CACNA1E: variants seen among roughly 807,000 people sequenced by gnomAD.
CACNA1E encodes voltage-dependent R-type calcium channel subunit alpha-1E.
CACNA1E carries 40 observed loss-of-function variants against 259.2 expected under a neutral mutation model. The ratio of observed to expected loss-of-function variants is 0.15; its 90% CI spans 0.12 to 0.20. The LOEUF (loss-of-function observed/expected upper bound fraction) is 0.20, where lower values mean the gene tolerates loss of function less well. CACNA1E is among the 10% of genes least tolerant of loss of function. CACNA1E has a pLI of 1.00. For missense variants in CACNA1E, 1,874 were observed against 3,040.1 expected (o/e 0.62, Z 9.02); for synonymous variants, 1,104 against 1,138.5 (o/e 0.97, Z 0.61).
intron 7 of CACNA1E, among the ~76,000 whole-genome samples, chr1:181,708,461 T>C (rs1032461380): frequency 2.0e-5 from 3 of 152,210 alleles, no homozygotes; most frequent in Non-Finnish European, 4.4e-5. Context: ...ATAATGCTTA[T>C]CCTAGATGCT....
intron 7 of CACNA1E, among the ~76,000 whole-genome samples, chr1:181,694,823 G>A (rs1357827170): frequency 6.6e-6 from 1 of 152,108 alleles, no homozygotes; most frequent in Non-Finnish European, 1.5e-5. Flanking sequence ...AATGGGCAAG[G>A]ACTTTCACTT....
intron 7 of CACNA1E, among the ~76,000 whole-genome samples, chr1:181,692,466 T>C (rs970705263): frequency 2.0e-5 from 3 of 152,002 alleles, no homozygotes; most frequent in African/African-American, 7.2e-5. Flanking sequence ...CATAGACCAA[T>C]GAAACAGAAT....
chr1:181,586,331 T>C (rs1055730802), intron 6 of CACNA1E, among the ~76,000 whole-genome samples: 7 of 152,138 alleles, frequency 4.6e-5, no homozygotes, highest in Non-Finnish European at 8.8e-5. Context: ...GAGTTCATGG[T>C]AGAAGGCTTG....
chr1:181,745,059 A>G (rs1356792469), intron 25 of CACNA1E, among the ~76,000 whole-genome samples: 1 of 152,220 alleles, frequency 6.6e-6, no homozygotes, highest in Non-Finnish European at 1.5e-5. Context: ...TGAGGTGCCT[A>G]CTACTATATC....
At chr1:181,495,898 A>G (rs1303600634) in intron 1 of CACNA1E, among the ~76,000 whole-genome samples, 1 of 152,248 alleles carries the variant, frequency 6.6e-6, no homozygotes, top group Non-Finnish European at 1.5e-5. Context: ...AGTGCTGCCC[A>G]TGAGTTATTG....
At chr1:181,412,665 C>G (rs1488340561) in intron 1 of CACNA1E, among the ~76,000 whole-genome samples, 1 of 152,130 alleles carries the variant, frequency 6.6e-6, no homozygotes, top group Non-Finnish European at 1.5e-5. Context: ...AGAGTGGGCC[C>G]TGGGGAAGGG....
chr1:181,505,203 T>G (rs16857457), intron 1 of CACNA1E, among the ~76,000 whole-genome samples: 20,144 of 152,184 alleles, frequency 0.13, 1,450 homozygotes, highest in South Asian at 0.17. Flanking sequence ...TCAGGATACA[T>G]ATAGCTTTAA....
intron 1 of CACNA1E, among the ~76,000 whole-genome samples, chr1:181,363,870 G>A (rs148428620): frequency 1.3e-5 from 2 of 152,304 alleles, no homozygotes; most frequent in Non-Finnish European, 2.9e-5. Flanking sequence ...ACTTCACTAC[G>A]GATAGGAGAG....
intron 3 of CACNA1E, among the ~76,000 whole-genome samples, chr1:181,529,350 G>A (rs1426168449): frequency 6.6e-6 from 1 of 152,238 alleles, no homozygotes; most frequent in Non-Finnish European, 1.5e-5. Context: ...TGCTGCAGGG[G>A]CAGGGCCCTC....
chr1:181,372,551 A>G (rs997794176), intron 1 of CACNA1E, among the ~76,000 whole-genome samples: 1 of 152,194 alleles, frequency 6.6e-6, no homozygotes, highest in Non-Finnish European at 1.5e-5. Context: ...AAAGAGAGAT[A>G]GTTTGACTTC....
At chr1:181,712,332 G>A (rs375169198) in intron 8 of CACNA1E, among the ~76,000 whole-genome samples, 5 of 152,174 alleles carry the variant, frequency 3.3e-5, no homozygotes, top group African/African-American at 9.7e-5. Flanking sequence ...AAAACTACAC[G>A]TATGACAGTA....
upstream of CACNA1E, among the ~76,000 whole-genome samples, chr1:181,482,845 C>T (rs772243600): frequency 1.1e-4 from 16 of 152,268 alleles, no homozygotes; most frequent in Non-Finnish European, 2.1e-4. Flanking sequence ...CCCGCCCTCT[C>T]GGCGGCGCAG....
At chr1:181,610,747 G>T (rs961511384) in intron 6 of CACNA1E, among the ~76,000 whole-genome samples, 1 of 152,174 alleles carries the variant, frequency 6.6e-6, no homozygotes, top group Non-Finnish European at 1.5e-5. Flanking sequence ...CATCTTGGGT[G>T]GTTCCAATGA....
At chr1:181,747,930 G>A (rs1442453780) in intron 25 of CACNA1E, among the ~76,000 whole-genome samples, 1 of 152,126 alleles carries the variant, frequency 6.6e-6, no homozygotes, top group Non-Finnish European at 1.5e-5. Context: ...GTGTTGAGGC[G>A]TTTCTTGACT....
rs758685371 is a variant in CACNA1E, at chr1:181,798,569, G to A, written c.6677G>A (p.Arg2226His). The part of the protein sequence containing the change: ...PQQSQHASPQ[R>H]YISEPYLALH... The stretch of plus-strand genomic sequence containing the variant: ...CAGAGCCAACATGCCTCCCCACAGC[G>A]CTACATCTCCGAGCCCTACTTGGCC... Residue 2226 changes from arginine to histidine, a missense_variant, in exon 48 of 48, where the codon CGC becomes CAC. Physicochemically the swap from Arg to His is conservative, Grantham distance 29. This residue lies in a region of CACNA1E where 542 missense variants were observed against 587.2 expected (regional missense o/e 0.92). Transcript: ENST00000367573. The surrounding 1 kb of genome is among the most constrained non-coding windows in gnomAD (Gnocchi z 4.2). 5.6e-6 allele frequency: 9 copies of A among 1,613,568 alleles called. No homozygotes were observed. Among genetic ancestry groups the A allele is most frequent in the South Asian group, 1.1e-5 (1 of 91,082 alleles).
intron 2 of CACNA1E, among the ~76,000 whole-genome samples, chr1:181,423,662 A>ATTTTTTTTTTTTTTTTTTTTTTTTTTTT (rs11302089): frequency 1.5e-5 from 2 of 130,998 alleles, no homozygotes; most frequent in African/African-American, 3.0e-5. Context: ...CATTGGGCCA[A>ATTTTTTTTTTTTTTTTTTTTTTTTTTTT]TTTTTTTTTT....
At chr1:181,514,610 C>T (rs1271878616) in intron 3 of CACNA1E, among the ~76,000 whole-genome samples, 1 of 152,144 alleles carries the variant, frequency 6.6e-6, no homozygotes, top group African/African-American at 2.4e-5. Context: ...CTCCAGGTGT[C>T]ACCTCCCATT....
chr1:181,574,016 T>C (rs1172663476), intron 3 of CACNA1E, among the ~76,000 whole-genome samples: 1 of 152,098 alleles, frequency 6.6e-6, no homozygotes, highest in Non-Finnish European at 1.5e-5. Context: ...CTCAGCAAAC[T>C]AACACAGAAA....
At chr1:181,501,503 C>A (rs1665246596) in intron 1 of CACNA1E, among the ~76,000 whole-genome samples, 1 of 152,208 alleles carries the variant, frequency 6.6e-6, no homozygotes, top group South Asian at 2.1e-4. Flanking sequence ...TCACAGCCAG[C>A]ATTAAATGGG....
Sources: allele counts gnomAD v4.1 joint callset (sites outside exome capture counted in the v4.1 genomes callset), GRCh38; gene constraint gnomAD v4.1.1; regional missense constraint gnomAD v4.1.1; non-coding constraint Gnocchi (gnomAD v3.1); transcripts MANE v1.5; gene names NCBI Gene and HGNC (gene_info 2026-07-23, HGNC 2026-07-21).